Variants in ARHGEF10L observed in about 807,000 individuals in gnomAD.
ARHGEF10L encodes Rho guanine nucleotide exchange factor 10 like, also known as rho guanine nucleotide exchange factor 10-like protein.
ARHGEF10L carries 69 observed loss-of-function variants against 141.2 expected under a neutral mutation model. The ratio of observed to expected loss-of-function variants is 0.49; its 90% CI spans 0.40 to 0.60. The LOEUF is 0.60. Among genes scored for constraint, ARHGEF10L ranks in the 20% least tolerant of loss-of-function variants. The pLI is 0.00. For missense variants in ARHGEF10L, 1,482 were observed against 1,734.3 expected (o/e 0.85, Z 2.58); for synonymous variants, 711 against 718.5 (o/e 0.99, Z 0.17).
At chr1:17,674,413 G>A (rs1275301563) in intron 26 of ARHGEF10L, among the ~76,000 whole-genome samples, 1 of 152,226 alleles carries the variant, frequency 6.6e-6, no homozygotes, top group Non-Finnish European at 1.5e-5. Flanking sequence ...GTCCTGCAGA[G>A]CAGGTGCCCC....
intron 4 of ARHGEF10L, among the ~76,000 whole-genome samples, chr1:17,588,927 GT>G: frequency 8.3e-6 from 1 of 120,968 alleles, no homozygotes; most frequent in African/African-American, 3.1e-5. Flanking sequence ...GGGTTTGAGG[GT>G]GGGGGGGGTG....
At chr1:17,565,191 G>C (rs1167348513) in intron 1 of ARHGEF10L, among the ~76,000 whole-genome samples, 1 of 152,142 alleles carries the variant, frequency 6.6e-6, no homozygotes, top group Non-Finnish European at 1.5e-5. Context: ...TGTTTACAAG[G>C]ATACTAATCC....
At chr1:17,692,506 C>T (rs1450796259) in intron 27 of ARHGEF10L, among the ~76,000 whole-genome samples, 1 of 152,170 alleles carries the variant, frequency 6.6e-6, no homozygotes, top group Non-Finnish European at 1.5e-5. Flanking sequence ...CAGTGCTATC[C>T]TGGGTTCCTT....
chr1:17,645,926 C>T (rs768366398), intron 21 of ARHGEF10L, among the ~76,000 whole-genome samples: 28 of 152,330 alleles, frequency 1.8e-4, no homozygotes, highest in Non-Finnish European at 3.2e-4. Context: ...TGGCAACGCG[C>T]GTGCCCTGTG....
Position 17,656,126 on chromosome 1 carries a change from G to A in ARHGEF10L, c.2705+24G>A, listed in dbSNP as rs938228141. 3 of 1,548,148 alleles carry A rather than the reference G, an allele frequency of 1.9e-6. No individual in the cohort carries two copies. The highest frequency in any genetic ancestry group is 1.4e-5 in the African/African-American group (1 of 73,004). On this transcript the variant is annotated intron_variant, in intron 24 of 28. Transcript: ENST00000361221. This position sits in a 1 kb window ranked among gnomAD's most constrained non-coding sequence, Gnocchi z 4.9. The stretch of plus-strand genomic sequence containing the variant: ...AGGTGAGGGGCCCGGAAGGAGGGGT[G>A]AGAGCAGCCTCTGCAGGGCTGGGCA...
At chr1:17,670,154 G>A (rs543651677) in intron 26 of ARHGEF10L, among the ~76,000 whole-genome samples, 87 of 152,390 alleles carry the variant, frequency 5.7e-4, no homozygotes, top group African/African-American at 1.9e-3. Context: ...AGGGTGGGGC[G>A]CCTGAGCTGA....
At chr1:17,520,104 T>A in the ARHGEF10L span, among the ~76,000 whole-genome samples, 1,486 of 152,238 alleles carry the variant, frequency 9.8e-3, 15 homozygotes, top group South Asian at 0.023. Context: ...GGATTCCCCA[T>A]CTTGGTTCTT....
At chr1:17,542,319 C>T (rs1275434610) in intron 1 of ARHGEF10L, among the ~76,000 whole-genome samples, 4 of 152,064 alleles carry the variant, frequency 2.6e-5, no homozygotes, top group Non-Finnish European at 5.9e-5. Flanking sequence ...TGTGCTGGTG[C>T]ACGCCTGTAG....
At chr1:17,610,909 A>T (rs968464586) in intron 7 of ARHGEF10L, among the ~76,000 whole-genome samples, 9 of 151,580 alleles carry the variant, frequency 5.9e-5, no homozygotes, top group Non-Finnish European at 1.3e-4. Context: ...TCATCCTGTT[A>T]TGTGAACAAG....
the ARHGEF10L span, among the ~76,000 whole-genome samples, chr1:17,527,613 C>T: frequency 2.0e-3 from 305 of 151,970 alleles, no homozygotes; most frequent in Admixed American, 4.1e-3. Context: ...AATGCTTGAT[C>T]AGACTCTGTG....
chr1:17,595,800 T>C (rs767829690), intron 4 of ARHGEF10L, among the ~76,000 whole-genome samples: 10 of 152,162 alleles, frequency 6.6e-5, no homozygotes, highest in South Asian at 2.1e-4. Context: ...AGGATTTACA[T>C]GCCTTCTTTA....
At chr1:17,547,939 G>T (rs1284648561) in intron 1 of ARHGEF10L, among the ~76,000 whole-genome samples, 1 of 152,188 alleles carries the variant, frequency 6.6e-6, no homozygotes, top group Non-Finnish European at 1.5e-5. Context: ...TGGGAGTAGA[G>T]GGGTACCCTG....
At chr1:17,581,634 G>T (rs2078576026) in intron 2 of ARHGEF10L, among the ~76,000 whole-genome samples, 1 of 152,152 alleles carries the variant, frequency 6.6e-6, no homozygotes, top group African/African-American at 2.4e-5. Context: ...CTGTGGGGCT[G>T]GTTAAGTGAC....
intron 21 of ARHGEF10L, among the ~76,000 whole-genome samples, chr1:17,642,424 G>A (rs2061377905): frequency 6.6e-6 from 1 of 152,236 alleles, no homozygotes; most frequent in South Asian, 2.1e-4. Flanking sequence ...GCCGGGGAGA[G>A]CCGTATGGGA....
chr1:17,671,849 C>T (rs2063340891), intron 26 of ARHGEF10L, among the ~76,000 whole-genome samples: 1 of 152,232 alleles, frequency 6.6e-6, no homozygotes. Flanking sequence ...ATCCTATCCC[C>T]ATGGCCCAAG....
the ARHGEF10L span, among the ~76,000 whole-genome samples, chr1:17,518,432 T>A: frequency 6.6e-6 from 1 of 152,200 alleles, no homozygotes. Context: ...GATGTCTAGA[T>A]ACTTGTGCTC....
chr1:17,693,642 T>A (rs1025315154), intron 27 of ARHGEF10L, among the ~76,000 whole-genome samples: 1 of 152,108 alleles, frequency 6.6e-6, no homozygotes, highest in African/African-American at 2.4e-5. Context: ...CTTTGAGCCT[T>A]AACATCCGTG....
At chr1:17,694,664 G>C (rs903453418) in intron 27 of ARHGEF10L, 1 of 336,052 alleles carries the variant, frequency 3.0e-6, no homozygotes, top group African/African-American at 2.2e-5. Context: ...GGCCCTGAGG[G>C]GCTGCAGCAG....
chr1:17,599,205 G>A (rs1169093821), intron 4 of ARHGEF10L, among the ~76,000 whole-genome samples: 3 of 152,126 alleles, frequency 2.0e-5, no homozygotes, highest in Admixed American at 1.3e-4. Context: ...GCATAGTGGC[G>A]CGTGCCTGTA....
Sources: allele counts gnomAD v4.1 joint callset (sites outside exome capture counted in the v4.1 genomes callset), GRCh38; gene constraint gnomAD v4.1.1; non-coding constraint Gnocchi (gnomAD v3.1); transcripts MANE v1.5; gene names NCBI Gene and HGNC (gene_info 2026-07-23, HGNC 2026-07-21).